The following VWF variants were observed in gnomAD, a reference collection of about 807,000 sequenced individuals.
VWF encodes the protein Factor VIII related antigen.
Under a neutral mutation model 308.6 loss-of-function variants are expected in VWF, and 176 were observed. The ratio of observed to expected loss-of-function variants is 0.57; its 90% CI spans 0.50 to 0.65. The LOEUF (loss-of-function observed/expected upper bound fraction) is 0.65. Among genes scored for constraint, VWF ranks in the 30% least tolerant of loss-of-function variants. The pLI is 0.00. For missense variants in VWF, 3,146 were observed against 3,648.2 expected (o/e 0.86, Z 3.55); for synonymous variants, 1,385 against 1,443.4 (o/e 0.96, Z 0.92).
At position 5,982,112 on chromosome 12, in the gene VWF, G is replaced by A; in HGVS notation, c.7082-121C>T. The A allele has an allele frequency of 4.4e-6, 4 of 905,578 alleles. No homozygotes were observed. In the South Asian group the frequency reaches 4.5e-5, roughly 10 times the overall value. The allele number at this position is 905,578 out of a possible 1,614,324, so 56.1% of individuals were successfully genotyped here. On this transcript the variant is annotated intron_variant, in intron 41 of 51. Transcript: ENST00000261405. The stretch of plus-strand genomic sequence containing the variant: ...AAGATTAAGTCAGAAATGTGTGAGG[G>A]CCAAGCTCACGGGCTGGGAGTTATT...
At chr12:6,014,966 G>GA (rs1372464529) in intron 31 of VWF, among the ~76,000 whole-genome samples, 5 of 152,184 alleles carry the variant, frequency 3.3e-5, no homozygotes, top group Admixed American at 2.0e-4. Context: ...TACTGAAGGA[G>GA]AAAAAATCTC....
At chr12:6,004,751 A>G (rs1244539282) in intron 34 of VWF, among the ~76,000 whole-genome samples, 1 of 151,610 alleles carries the variant, frequency 6.6e-6, no homozygotes, top group Non-Finnish European at 1.5e-5. Context: ...ATATATTGAT[A>G]TCAATACCCT....
intron 14 of VWF, among the ~76,000 whole-genome samples, 158 bp downstream of exon 14, chr12:6,057,691 A>G (rs1944602480): frequency 6.7e-6 from 1 of 150,194 alleles, no homozygotes; most frequent in African/African-American, 2.5e-5. Flanking sequence ...GGCCCAGTTC[A>G]GATGATCAAG....
rs1014033543 is a variant in VWF, at chr12:5,975,133, G to A, written c.7437+978C>T. On this transcript the variant is annotated intron_variant, in intron 43 of 51. Coordinates refer to ENST00000261405, the MANE Select transcript of VWF (RefSeq NM_000552.5). Reference sequence around the variant, plus strand: ...TCTCCCAAAGGTACTGAGCACCTCCGCTCACTCTCAGTACCCAAATGCAAG... The same window carrying A: ...TCTCCCAAAGGTACTGAGCACCTCCACTCACTCTCAGTACCCAAATGCAAG... Among the ~76,000 whole-genome samples, 14 of 152,266 alleles carry A rather than the reference G, an allele frequency of 9.2e-5. No homozygotes were observed. The South Asian group carries it at 1.0e-3, about 11-fold the overall frequency.
At chr12:6,026,135 G>A (rs1175161160) in intron 22 of VWF, 89 bp from the exon 23 acceptor site, 4 of 1,577,408 alleles carry the variant, frequency 2.5e-6, no homozygotes, top group Non-Finnish European at 3.5e-6. Flanking sequence ...TGGCGGCAAT[G>A]GAGGCAGAGG....
At chr12:6,038,696 G>A (rs552432936) in intron 18 of VWF, among the ~76,000 whole-genome samples, 1 of 152,354 alleles carries the variant, frequency 6.6e-6, no homozygotes, top group African/African-American at 2.4e-5. Flanking sequence ...CTGCCGACTC[G>A]TGTTAGCAAG....
At chr12:6,090,522 C>A (rs1945020887) in intron 6 of VWF, among the ~76,000 whole-genome samples, 2 of 152,132 alleles carry the variant, frequency 1.3e-5, no homozygotes, top group Admixed American at 1.3e-4. Flanking sequence ...CCTGCTTCTG[C>A]CGGCTCCCAT....
At chr12:6,090,887 G>C (rs752196055) in intron 6 of VWF, among the ~76,000 whole-genome samples, 11 of 152,142 alleles carry the variant, frequency 7.2e-5, no homozygotes, top group Non-Finnish European at 1.5e-4. Flanking sequence ...GACACTCAAG[G>C]GGCTATCAAG....
intron 16 of VWF, among the ~76,000 whole-genome samples, chr12:6,050,471 C>A (rs537612637): frequency 6.6e-6 from 1 of 152,218 alleles, no homozygotes; most frequent in African/African-American, 2.4e-5. Flanking sequence ...TGCTAAGAAC[C>A]TTCCAGGGGC....
At chr12:6,050,001 T>C (rs1462422715) in intron 16 of VWF, among the ~76,000 whole-genome samples, 2 of 152,210 alleles carry the variant, frequency 1.3e-5, no homozygotes, top group Non-Finnish European at 2.9e-5. Flanking sequence ...CTCGCTACTC[T>C]CATGGCTGAA....
At chr12:5,989,064 G>A (rs934663683) in intron 38 of VWF, among the ~76,000 whole-genome samples, 2 of 152,188 alleles carry the variant, frequency 1.3e-5, no homozygotes, top group African/African-American at 4.8e-5. Flanking sequence ...CTAAGGGAGA[G>A]GGAAGGAGGC....
At chr12:5,960,295 G>T (rs138871973) in intron 47 of VWF, among the ~76,000 whole-genome samples, 153 of 151,922 alleles carry the variant, frequency 1.0e-3, no homozygotes, top group African/African-American at 3.6e-3. Flanking sequence ...ATGAAAAACT[G>T]ATTTACCAAA....
At chr12:5,973,000 G>A (rs1466970684) in intron 43 of VWF, among the ~76,000 whole-genome samples, 1 of 152,146 alleles carries the variant, frequency 6.6e-6, no homozygotes, top group African/African-American at 2.4e-5. Context: ...TTTGTTTCCT[G>A]TTGCCTCTCA....
intron 14 of VWF, 111 bp downstream of exon 14, chr12:6,057,738 G>T: frequency 7.7e-7 from 1 of 1,307,072 alleles, no homozygotes; most frequent in Non-Finnish European, 1.0e-6. Flanking sequence ...CCCTTTCCTC[G>T]CTCCCCGCCC....
chr12:6,052,761 C>T lies in VWF; in HGVS notation c.1968G>A (p.Gln656=), dbSNP rs1307648316. 6.2e-7 allele frequency: 1 copy of T among 1,612,044 alleles called. No individual in the cohort carries two copies. The highest frequency in any genetic ancestry group is 1.7e-5 in the Admixed American group (1 of 59,726). Residue 656 remains glutamine (Q), a synonymous_variant, in exon 16 of 52, where the codon CAG becomes CAA. Transcript: ENST00000261405. The part of the protein sequence containing the change: ...GRCELNCPKG[Q]VYLQCGTPCN... ...AGGGGGTCCCGCACTGCAGGTACAC[C>T]TGGCCTTTCGGGCAGTTCAGCTCTA...
Position 6,016,653 on chromosome 12 carries a change from G to A in VWF, c.5174C>T (p.Pro1725Leu). 1 of 1,614,220 alleles carries A rather than the reference G, an allele frequency of 6.2e-7. No homozygotes were observed. Among genetic ancestry groups the A allele is most frequent in the Non-Finnish European group, 8.5e-7 (1 of 1,180,050 alleles). Reference protein sequence around the residue: ...KAFISKANIGPRLTQVSVLQY... With the variant: ...KAFISKANIGLRLTQVSVLQY... ...CAGCACTGACACCTGAGTGAGACGAGGCCCTAAACGGAACGAGAAAATGCG... is the reference window on the plus strand; with the variant it reads ...CAGCACTGACACCTGAGTGAGACGAAGCCCTAAACGGAACGAGAAAATGCG... The change falls in exon 30 of 52, where the codon CCT becomes CTT. Residue 1725 changes from proline to leucine, a missense_variant. Pro to Leu is a moderately conservative substitution (Grantham distance 98). Around this residue, in one of 3 missense-constraint regions of VWF, gnomAD observed 853 missense variants for 1,177.8 expected, o/e 0.72. Coordinates refer to ENST00000261405, the MANE Select transcript of VWF (RefSeq NM_000552.5).
In VWF at chr12:6,075,871, GCC is replaced by G. The variant is rs879259133; in HGVS notation, c.658-322_658-321del. Among the ~76,000 whole-genome samples, 1 of 152,186 alleles carries G rather than the reference GCC, an allele frequency of 6.6e-6. No individual in the cohort carries two copies. Among genetic ancestry groups the G allele is most frequent in the Non-Finnish European group, 1.5e-5 (1 of 68,032 alleles). The stretch of plus-strand genomic sequence containing the variant: ...ATGGAGAGAAGCACAAAGAGCATGC[GCC>G]CTGGAGTTGGCCTGGGTGGCTGCAG... On this transcript the variant is annotated intron_variant, in intron 6 of 51. Coordinates refer to ENST00000261405, the MANE Select transcript of VWF (RefSeq NM_000552.5). This position sits in a 1 kb window ranked among gnomAD's most constrained non-coding sequence, Gnocchi z 4.7.
chr12:6,064,509 C>A, intron 11 of VWF, 125 bp from the exon 12 acceptor site: 1 of 1,407,850 alleles, frequency 7.1e-7, no homozygotes, highest in Non-Finnish European at 9.7e-7. Context: ...TAACCTACAA[C>A]TCCATTCTCC....
rs192262780 is a variant in VWF, at chr12:5,969,221, G to T, written c.7719C>A (p.Ser2573Arg). Residue 2573 changes from serine to arginine, a missense_variant, in exon 45 of 52, where the codon AGC becomes AGA. Physicochemically the swap from Ser to Arg is moderately radical, Grantham distance 110. Coordinates refer to ENST00000261405, the MANE Select transcript of VWF (RefSeq NM_000552.5). ...GCCTGCATGCCTTACCACAGCGACAGCTTGGGCAGCACGCTGAGGTCTTAC... is the reference window on the plus strand; with the variant it reads ...GCCTGCATGCCTTACCACAGCGACATCTTGGGCAGCACGCTGAGGTCTTAC... ...LSCKTSACCP[S>R]CRCERMEACM... is the part of the protein sequence containing the mutation. 1.9e-5 allele frequency: 31 copies of T among 1,613,488 alleles called. No individual in the cohort carries two copies. In the Admixed American group the frequency reaches 3.2e-4, roughly 17 times the overall value.
Sources: gnomAD v4.1 joint callset for allele counts (sites outside exome capture counted in the v4.1 genomes callset) on GRCh38, gnomAD v4.1.1 for gene constraint, gnomAD v4.1.1 regional missense constraint, Gnocchi (gnomAD v3.1) non-coding constraint, MANE v1.5 for transcripts, NCBI Gene and HGNC (gene_info 2026-07-23, HGNC 2026-07-21) for gene names.